Variants in WDHD1 observed in about 807,000 individuals in gnomAD.
WDHD1 encodes the protein WD repeat and HMG-box DNA binding protein 1.
Under a neutral mutation model 135.4 loss-of-function variants are expected in WDHD1, and 111 were observed. The ratio of observed to expected loss-of-function variants is 0.82; its 90% confidence interval spans 0.70 to 0.96. The LOEUF is 0.96. WDHD1 is among the 40% of genes least tolerant of loss of function. WDHD1 has a pLI of 0.00. For synonymous variants in WDHD1, 434 were observed against 439.0 expected (o/e 0.99, Z 0.14); for missense variants, 1,351 against 1,336.3 (o/e 1.01, Z -0.17).
In WDHD1 at chr14:54,944,616, CTTTTTTTTTTT is replaced by C. The variant is rs780376690; in HGVS notation, c.3051-157_3051-147del. On this transcript the variant is annotated intron_variant, in intron 24 of 25. Transcript: ENST00000360586. Reference sequence around the variant, plus strand: ...CAGTTACACTTGTTAATTCATGTTACTTTTTTTTTTTTTTTTTTTTTGAGACAGAGTCTCAC... The same window carrying C: ...CAGTTACACTTGTTAATTCATGTTACTTTTTTTTTTGAGACAGAGTCTCAC... 3.2e-4 allele frequency: 87 copies of C among 269,486 alleles called. 1 individual carries two copies. Among genetic ancestry groups the C allele is most frequent in the Non-Finnish European group, 4.9e-4 (82 of 165,870 alleles). 16.7% of individuals were successfully genotyped at this position (269,486 alleles called of 1,614,324 possible).
intron 2 of WDHD1, among the ~76,000 whole-genome samples, chr14:55,021,403 G>C (rs938173142): frequency 6.7e-6 from 1 of 149,486 alleles, no homozygotes; most frequent in Non-Finnish European, 1.5e-5. Context: ...GTCTATTAGC[G>C]TTCCTTTTTT....
intron 7 of WDHD1, 142 bp from the exon 8 acceptor site, chr14:55,002,327 T>C (rs2041992213): frequency 1.7e-6 from 1 of 604,996 alleles, no homozygotes. Flanking sequence ...TAAGAGACGG[T>C]GTCTCACTAT....
At chr14:55,009,894 C>T (rs1379856385) in intron 4 of WDHD1, among the ~76,000 whole-genome samples, 1 of 152,012 alleles carries the variant, frequency 6.6e-6, no homozygotes, top group Non-Finnish European at 1.5e-5. Flanking sequence ...CATCTTGGCT[C>T]ACTGCAACCT....
chr14:55,021,206 A>G (rs949716394), intron 2 of WDHD1, among the ~76,000 whole-genome samples: 4 of 152,250 alleles, frequency 2.6e-5, no homozygotes, highest in African/African-American at 9.6e-5. Context: ...TGCTCATAAC[A>G]TAGAAGGGTC....
At chr14:54,955,888 T>G (rs376589623) in intron 23 of WDHD1, among the ~76,000 whole-genome samples, 194 bp from the exon 24 acceptor site, 1 of 113,266 alleles carries the variant, frequency 8.8e-6, no homozygotes, top group Non-Finnish European at 1.9e-5. Context: ...TCAGATTCCA[T>G]GTTTTCCTTT....
rs748896449 is a variant in WDHD1, at chr14:54,957,117, T to C, written c.2833A>G (p.Lys945Glu). ...ILDNMGKSSK[K>E]STALSRTTNN... ...GTAGTTCGACTAAGTGCAGTGGATT[T>C]CTTGGATGATTTGCCCATATTGTCT... The change falls in exon 23 of 26, where the codon AAA (lysine) becomes GAA (glutamate). Residue 945 changes from lysine (K) to glutamate (E), a missense_variant. Physicochemically the swap from Lys to Glu is moderately conservative, Grantham distance 56 (BLOSUM62 1). Transcript: ENST00000360586. 1.9e-6 allele frequency: 3 copies of C among 1,614,198 alleles called. No homozygotes were observed. The highest frequency in any genetic ancestry group is 2.5e-6 in the Non-Finnish European group (3 of 1,180,034).
At chr14:54,978,018 A>C (rs1422268057) in intron 16 of WDHD1, among the ~76,000 whole-genome samples, 1 of 152,162 alleles carries the variant, frequency 6.6e-6, no homozygotes, top group Non-Finnish European at 1.5e-5. Context: ...TGAAATGAAG[A>C]AGCAAAATTG....
intron 16 of WDHD1, among the ~76,000 whole-genome samples, chr14:54,974,015 A>G (rs1365993272): frequency 6.6e-6 from 1 of 152,074 alleles, no homozygotes; most frequent in Non-Finnish European, 1.5e-5. Context: ...ACACATTTAA[A>G]CTGCTAATTT....
intron 18 of WDHD1, among the ~76,000 whole-genome samples, chr14:54,964,436 C>T (rs528894510): frequency 4.6e-5 from 7 of 151,960 alleles, no homozygotes; most frequent in African/African-American, 7.3e-5. Context: ...GTCAGGAGAT[C>T]GAGACCATAC....
intron 11 of WDHD1, among the ~76,000 whole-genome samples, chr14:54,992,905 G>A (rs1330462935): frequency 6.6e-6 from 1 of 151,928 alleles, no homozygotes; most frequent in Non-Finnish European, 1.5e-5. Context: ...AGAGCAAGAT[G>A]CTATCTCTAA....
chr14:55,021,585 C>T (rs2042349072), intron 2 of WDHD1, among the ~76,000 whole-genome samples: 1 of 152,158 alleles, frequency 6.6e-6, no homozygotes, highest in African/African-American at 2.4e-5. Flanking sequence ...GGGGTCTCAT[C>T]ATGTTGGCCA....
chr14:55,004,471 G>C (rs1364292101), intron 7 of WDHD1, among the ~76,000 whole-genome samples: 1 of 148,340 alleles, frequency 6.7e-6, no homozygotes, highest in Non-Finnish European at 1.5e-5. Flanking sequence ...TTCTTTTTTT[G>C]AGATAGAGTC....
intron 13 of WDHD1, among the ~76,000 whole-genome samples, chr14:54,988,560 G>C (rs1288300720): frequency 3.9e-5 from 6 of 152,054 alleles, no homozygotes; most frequent in Non-Finnish European, 8.8e-5. Context: ...TCTCAATAAA[G>C]TAAATTAAAA....
rs767553682 is a variant in WDHD1, at chr14:55,000,469, T to C, written c.942+34A>G. On this transcript the variant is annotated intron_variant, in intron 10 of 25. Transcript: ENST00000360586. The stretch of plus-strand genomic sequence containing the variant: ...CAAATCCATATGATCACAGAAACAT[T>C]TTGAAGAAACTGTTGTACCATACTC... 2.6e-6 allele frequency: 4 copies of C among 1,534,756 alleles called. No homozygotes were observed. The South Asian group carries it at 5.2e-5, about 20-fold the overall frequency.
At chr14:55,008,156 A>C (rs530734562) in intron 6 of WDHD1, among the ~76,000 whole-genome samples, 160 bp downstream of exon 6, 60 of 152,232 alleles carry the variant, frequency 3.9e-4, no homozygotes, top group Non-Finnish European at 6.9e-4. Flanking sequence ...TTTATTTGGC[A>C]CTAGAATACT....
At chr14:54,996,824 G>A (rs112927738) in intron 10 of WDHD1, among the ~76,000 whole-genome samples, 5 of 151,924 alleles carry the variant, frequency 3.3e-5, no homozygotes, top group Admixed American at 6.6e-5. Context: ...GTGGAGTCTC[G>A]CTCTGTCGCC....
Position 54,957,219 on chromosome 14 carries a change from A to T in WDHD1, c.2746-15T>A, listed in dbSNP as rs748698948. 2 of 1,611,520 alleles carry T rather than the reference A, an allele frequency of 1.2e-6. No homozygotes were observed. Among genetic ancestry groups the T allele is most frequent in the Admixed American group, 3.4e-5 (2 of 59,666 alleles). On this transcript the variant is annotated splice_polypyrimidine_tract_variant and intron_variant, in intron 22 of 25. Coordinates refer to ENST00000360586, the MANE Select transcript of WDHD1 (RefSeq NM_007086.4). ...CTGGCTGATACCTAAAGAGCAAACT[A>T]GTGTTAGCACTGTATGTTTAAAGAA...
At chr14:54,987,962 T>TA (rs754968236) in intron 13 of WDHD1, among the ~76,000 whole-genome samples, 4 of 152,136 alleles carry the variant, frequency 2.6e-5, no homozygotes, top group Non-Finnish European at 5.9e-5. Flanking sequence ...TAGAAGATAG[T>TA]AAAATCCATG....
At position 54,966,513 on chromosome 14, in the gene WDHD1, T is replaced by C; in HGVS notation, c.2272A>G (p.Thr758Ala). The C allele has an allele frequency of 6.2e-7, 1 of 1,607,312 alleles. No individual in the cohort carries two copies. Among genetic ancestry groups the C allele is most frequent in the Non-Finnish European group, 8.5e-7 (1 of 1,178,680 alleles). ...EYEESTKNQA[T>A]KEQQELLMKM... ...ATTAAAAGTTCCTGTTGCTCTTTTG[T>C]TGCTTGATTTTTAGTGCTCTCTTCA... Residue 758 changes from threonine (T) to alanine (A), a missense_variant, in exon 18 of 26, where the codon ACA becomes GCA. By Grantham distance (58) the Thr-to-Ala change is moderately conservative (BLOSUM62 0). This residue lies in a region of WDHD1 where 1,330 missense variants were observed against 1,296.1 expected (regional missense o/e 1.03). Transcript: ENST00000360586.
Sources: gnomAD v4.1 joint callset for allele counts (sites outside exome capture counted in the v4.1 genomes callset) on GRCh38, gnomAD v4.1.1 for gene constraint, gnomAD v4.1.1 regional missense constraint, MANE v1.5 for transcripts, NCBI Gene and HGNC (gene_info 2026-07-23, HGNC 2026-07-21) for gene names.